The following GPHN variants were observed in gnomAD, a reference collection of about 807,000 sequenced individuals.
The protein encoded by GPHN is gephyrin.
GPHN carries 17 observed loss-of-function variants against 95.5 expected under a neutral mutation model. That is an observed-to-expected ratio of 0.18 (90% confidence interval 0.12 to 0.27). The LOEUF is 0.27. Among genes scored for constraint, GPHN ranks in the 10% least tolerant of loss-of-function variants. The pLI, the probability that GPHN is intolerant of heterozygous loss-of-function variation, is 1.00. For synonymous variants in GPHN, 320 were observed against 322.5 expected (o/e 0.99, Z 0.08); for missense variants, 660 against 978.1 (o/e 0.67, Z 4.34).
chr14:67,665,797 A>C, the GPHN span, among the ~76,000 whole-genome samples: 2 of 152,182 alleles, frequency 1.3e-5, no homozygotes, highest in African/African-American at 4.8e-5. Context: ...CTTAATATAC[A>C]CAAGATACTT....
chr14:67,410,983 A>G, the GPHN span, among the ~76,000 whole-genome samples: 12,341 of 151,824 alleles, frequency 0.081, 1,300 homozygotes, highest in East Asian at 0.42. Flanking sequence ...CTGTCTCCAC[A>G]AAAAAATACA....
chr14:66,961,896 A>ATGTG (rs1218862577), intron 8 of GPHN, among the ~76,000 whole-genome samples: 14 of 98,772 alleles, frequency 1.4e-4, no homozygotes, highest in African/African-American at 3.4e-4. Context: ...CTATCCCTGA[A>ATGTG]TGTGTATATA....
chr14:67,210,144 A>G, the GPHN span, among the ~76,000 whole-genome samples: 1 of 152,240 alleles, frequency 6.6e-6, no homozygotes, highest in Non-Finnish European at 1.5e-5. Flanking sequence ...CAAAGGGGAA[A>G]ATAACTTATT....
At chr14:67,151,202 A>G (rs570926692) in intron 18 of GPHN, among the ~76,000 whole-genome samples, 3 of 152,344 alleles carry the variant, frequency 2.0e-5, no homozygotes, top group South Asian at 4.1e-4. Context: ...AAGAAACACA[A>G]TAGCTTCAGT....
chr14:67,535,541 C>T, the GPHN span, among the ~76,000 whole-genome samples: 7 of 151,970 alleles, frequency 4.6e-5, no homozygotes, highest in Non-Finnish European at 1.0e-4. Flanking sequence ...GCCACCACAC[C>T]TGGCTAATTT....
At chr14:66,969,817 A>G (rs1317509663) in intron 9 of GPHN, 1 of 151,724 alleles carries the variant, frequency 6.6e-6, no homozygotes, top group Non-Finnish European at 1.5e-5. Context: ...AAAAAAAAAA[A>G]AAGAAAGAAA....
intron 2 of GPHN, among the ~76,000 whole-genome samples, chr14:66,711,497 A>G (rs1015948070): frequency 1.3e-5 from 2 of 151,948 alleles, no homozygotes; most frequent in African/African-American, 4.8e-5. Context: ...GCTGCCATAA[A>G]CATGCGTGTC....
chr14:67,667,885 A>G, the GPHN span, among the ~76,000 whole-genome samples: 2 of 152,194 alleles, frequency 1.3e-5, no homozygotes, highest in Admixed American at 1.3e-4. Context: ...CAGAAGTTGC[A>G]GTGAGCCGAG....
At chr14:66,720,834 T>A (rs1312293046) in intron 2 of GPHN, among the ~76,000 whole-genome samples, 1 of 152,170 alleles carries the variant, frequency 6.6e-6, no homozygotes, top group Non-Finnish European at 1.5e-5. Flanking sequence ...CGCTGCACTC[T>A]TGCCTTATTG....
intron 8 of GPHN, among the ~76,000 whole-genome samples, chr14:66,925,442 C>T (rs2066436984): frequency 6.6e-6 from 1 of 152,194 alleles, no homozygotes; most frequent in Non-Finnish European, 1.5e-5. Flanking sequence ...CCTCTCCACC[C>T]TCTGGTAACC....
intron 4 of GPHN, among the ~76,000 whole-genome samples, chr14:66,825,659 G>A (rs1172657495): frequency 6.7e-6 from 1 of 149,526 alleles, no homozygotes; most frequent in Non-Finnish European, 1.5e-5. Flanking sequence ...GCAATTTTAA[G>A]AATTATTTTT....
At chr14:66,548,401 G>A (rs937522389) in intron 1 of GPHN, among the ~76,000 whole-genome samples, 2 of 151,818 alleles carry the variant, frequency 1.3e-5, no homozygotes, top group African/African-American at 2.4e-5. Flanking sequence ...GGCTGGTTTC[G>A]AACTCCTGAC....
At chr14:67,187,266 G>A in the GPHN span, among the ~76,000 whole-genome samples, 3 of 152,028 alleles carry the variant, frequency 2.0e-5, no homozygotes, top group African/African-American at 7.2e-5. Flanking sequence ...GCTAACCAAG[G>A]GTTCCTGCAA....
At chr14:66,660,076 T>C (rs1201997538) in intron 1 of GPHN, among the ~76,000 whole-genome samples, 2 of 152,026 alleles carry the variant, frequency 1.3e-5, no homozygotes, top group African/African-American at 4.8e-5. Context: ...TCTTTTCTAG[T>C]GGTTGTTTAT....
chr14:67,593,964 G>A, the GPHN span: 1 of 1,578,944 alleles, frequency 6.3e-7, no homozygotes, highest in East Asian at 2.2e-5. Flanking sequence ...TGAAGAGAGA[G>A]CCAGACACAG....
At chr14:66,633,965 A>G (rs2063963669) in intron 1 of GPHN, among the ~76,000 whole-genome samples, 1 of 146,718 alleles carries the variant, frequency 6.8e-6, no homozygotes, top group Non-Finnish European at 1.5e-5. Context: ...TTTTTTTTTT[A>G]ATAATATCTA....
intron 4 of GPHN, among the ~76,000 whole-genome samples, chr14:66,858,379 C>G (rs2062884645): frequency 6.6e-6 from 1 of 151,856 alleles, no homozygotes; most frequent in Non-Finnish European, 1.5e-5. Context: ...CCTTTCCAGG[C>G]CTTAGCTCCC....
At chr14:67,428,394 T>G in the GPHN span, among the ~76,000 whole-genome samples, 5 of 152,254 alleles carry the variant, frequency 3.3e-5, no homozygotes, top group Non-Finnish European at 7.3e-5. Flanking sequence ...TATTCACAGC[T>G]AACACTTAGA....
intron 9 of GPHN, among the ~76,000 whole-genome samples, chr14:66,978,791 C>T (rs1176644191): frequency 6.6e-6 from 1 of 152,184 alleles, no homozygotes; most frequent in Non-Finnish European, 1.5e-5. Flanking sequence ...ATTTACTTTG[C>T]TCAGATCAAT....
Sources: gnomAD v4.1 joint callset for allele counts (sites outside exome capture counted in the v4.1 genomes callset) on GRCh38, gnomAD v4.1.1 for gene constraint, MANE v1.5 for transcripts, NCBI Gene and HGNC (gene_info 2026-07-23, HGNC 2026-07-21) for gene names.